DNM1: variants seen among roughly 807,000 people sequenced by gnomAD.
DNM1 encodes dynamin-1.
In DNM1, 29 loss-of-function variants were observed where a neutral mutation model predicts 104.6. That is an observed-to-expected ratio of 0.28 (90% CI 0.21 to 0.38). The LOEUF (loss-of-function observed/expected upper bound fraction) is 0.38. Ranked by LOEUF, DNM1 falls within the 10% of genes least tolerant of loss-of-function variation. The probability of loss-of-function intolerance (pLI) is 1.00; values close to 1 mark genes in which losing one functional copy is unlikely to be tolerated. For synonymous variants in DNM1, 445 were observed against 475.8 expected, an observed-to-expected ratio of 0.94 and a Z score of 0.84; for missense variants, 640 against 1,189.4, an observed-to-expected ratio of 0.54 and a Z score of 6.79.
At position 128,239,600 on chromosome 9, in the gene DNM1, G is replaced by GTGTGTGTA. The variant is rs1417585650; in HGVS notation, c.1493+92_1493+93insATGTGTGT. Reference sequence around the variant, plus strand: ...TGTGTGTGTGTGTGTGTGTGTGTGTGTGTGTGTGTGTGTGTGTAGAGCCCA... The same window carrying GTGTGTGTA: ...TGTGTGTGTGTGTGTGTGTGTGTGTGTGTGTGTATGTGTGTGTGTGTGTGTAGAGCCCA... On this transcript the variant is annotated intron_variant, in intron 12 of 21. Coordinates refer to ENST00000372923, the MANE Select transcript of DNM1 (RefSeq NM_004408.4). The GTGTGTGTA allele has an allele frequency of 2.0e-5, 25 of 1,277,872 alleles. No homozygotes were observed. The African/African-American group carries it at 3.6e-4, about 18-fold the overall frequency. 79.2% of individuals were successfully genotyped at this position (1,277,872 alleles called of 1,614,324 possible). A position where few individuals can be genotyped will look rare whatever the true frequency, so the allele number is the denominator to read the frequency against.
In DNM1 at chr9:128,218,937, C is replaced by A; in HGVS notation, c.386-112C>A. The A allele has an allele frequency of 7.4e-7, 1 of 1,350,930 alleles. No homozygotes were observed. The allele number at this position is 1,350,930 out of a possible 1,614,324, so 83.7% of individuals were successfully genotyped here. A position where few individuals can be genotyped will look rare whatever the true frequency, so the allele number is the denominator to read the frequency against. On this transcript the variant is annotated intron_variant, in intron 3 of 21. Coordinates refer to ENST00000372923, the MANE Select transcript of DNM1 (RefSeq NM_004408.4). The surrounding 1 kb of genome is among the most constrained non-coding windows in gnomAD (Gnocchi z 4.8). ...CTTTCGCCCTGAGATTTCCTAGTCC[C>A]ACCCACCTGCCACCCTGCTCCCAAG...
chr9:128,218,784 A>G lies in DNM1; in HGVS notation c.385+53A>G. 1 of 1,533,268 alleles carries G rather than the reference A, an allele frequency of 6.5e-7. No homozygotes were observed. The highest frequency in any genetic ancestry group is 1.2e-5 in the South Asian group (1 of 81,740). The allele number at this position is 1,533,268 out of a possible 1,614,324, so 95.0% of individuals were successfully genotyped here. A position where few individuals can be genotyped will look rare whatever the true frequency, so the allele number is the denominator to read the frequency against. On this transcript the variant is annotated intron_variant, in intron 3 of 21. Coordinates refer to ENST00000372923, the MANE Select transcript of DNM1 (RefSeq NM_004408.4). The surrounding 1 kb of genome is among the most constrained non-coding windows in gnomAD (Gnocchi z 4.8). ...CTAAGAATCATTTTCTTGGCCACGC[A>G]CCTCTGCGTGCCTCGCTCCTCCTGC... is the stretch of plus-strand genomic sequence containing the variant.
chr9:128,242,409 C>G, intron 15 of DNM1, 64 bp downstream of exon 15: 1 of 931,616 alleles, frequency 1.1e-6, no homozygotes. Flanking sequence ...CTCAGACCCT[C>G]CCATGGGCTT....
chr9:128,226,518 C>T (rs1013539903), intron 10 of DNM1, among the ~76,000 whole-genome samples: 2 of 152,214 alleles, frequency 1.3e-5, no homozygotes, highest in Non-Finnish European at 2.9e-5. Flanking sequence ...CACCCTAAGA[C>T]GTGGGTAGTG....
rs1836488927 is a variant in DNM1 at position 128,243,140 on chromosome 9, GC to G, written c.1671+797del. Reference sequence around the variant, plus strand: ...GAGGGGCAAGGAGTGTGGGGGCCCTGCCGAGGTGCCACAAAAAACCCCTCCC... The same window carrying G: ...GAGGGGCAAGGAGTGTGGGGGCCCTGCGAGGTGCCACAAAAAACCCCTCCC... On this transcript the variant is annotated intron_variant, in intron 15 of 21. Coordinates refer to ENST00000372923, the MANE Select transcript of DNM1 (RefSeq NM_004408.4). This position sits in a 1 kb window ranked among gnomAD's most constrained non-coding sequence, Gnocchi z 4.0. Among the ~76,000 whole-genome samples, 2 of 152,136 alleles carry G rather than the reference GC, an allele frequency of 1.3e-5. No individual in the cohort carries two copies. The highest frequency in any genetic ancestry group is 4.1e-4 in the South Asian group (2 of 4,822).
chr9:128,223,042 G>GT, intron 9 of DNM1, 182 bp downstream of exon 9: 1 of 628,370 alleles, frequency 1.6e-6, no homozygotes, highest in Non-Finnish European at 2.7e-6. Context: ...GTGGACCCGG[G>GT]CCACCCCGCC....
chr9:128,253,516 G>A lies in DNM1; in HGVS notation c.2535-1138G>A, dbSNP rs987284247. Reference sequence around the variant, plus strand: ...GTGGGGCTGGACTCTGAGGCGGCCAGAGGCCTAGGAACGTTATCCTGGGCA... The same window carrying A: ...GTGGGGCTGGACTCTGAGGCGGCCAAAGGCCTAGGAACGTTATCCTGGGCA... On this transcript the variant is annotated intron_variant, in intron 21 of 21. Coordinates refer to ENST00000372923, the MANE Select transcript of DNM1 (RefSeq NM_004408.4). The surrounding 1 kb of genome is among the most constrained non-coding windows in gnomAD (Gnocchi z 5.9). 1.4e-5 allele frequency: 4 copies of A among 294,020 alleles called. No individual in the cohort carries two copies. The highest frequency in any genetic ancestry group is 8.7e-5 in the African/African-American group (4 of 46,076). 18.2% of individuals were successfully genotyped at this position (294,020 alleles called of 1,614,324 possible). A position where few individuals can be genotyped will look rare whatever the true frequency, so the allele number is the denominator to read the frequency against.
chr9:128,203,641 G>T lies in DNM1; in HGVS notation c.161+10G>T. On this transcript the variant is annotated intron_variant, in intron 1 of 21. Coordinates refer to ENST00000372923, the MANE Select transcript of DNM1 (RefSeq NM_004408.4). The surrounding 1 kb of genome is among the most constrained non-coding windows in gnomAD (Gnocchi z 5.3). ...AGAATTTCGTAGGCAGGTAGGCGCGGCGCGCCCCCAGGCGCCGACCCCCGA... is the reference window on the plus strand; with the variant it reads ...AGAATTTCGTAGGCAGGTAGGCGCGTCGCGCCCCCAGGCGCCGACCCCCGA... The T allele has an allele frequency of 6.6e-7, 1 of 1,517,192 alleles. No homozygotes were observed. The highest frequency in any genetic ancestry group is 8.8e-7 in the Non-Finnish European group (1 of 1,139,750). The allele number at this position is 1,517,192 out of a possible 1,614,324, so 94.0% of individuals were successfully genotyped here. A position where few individuals can be genotyped will look rare whatever the true frequency, so the allele number is the denominator to read the frequency against.
rs141663827 is a variant in DNM1 at position 128,208,388 on chromosome 9, C to T, written c.161+4757C>T. Among the ~76,000 whole-genome samples the T allele has an allele frequency of 1.3e-3, 194 of 152,260 alleles. 1 individual carries two copies. Among genetic ancestry groups the T allele is most frequent in the African/African-American group, 4.4e-3 (181 of 41,556 alleles). ...GCTCTGCATTCTATCCCAGCATGGA[C>T]GTGATGCTGGTCTCTGGACTCTGAG... On this transcript the variant is annotated intron_variant, in intron 1 of 21. Transcript: ENST00000372923.
intron 1 of DNM1, among the ~76,000 whole-genome samples, chr9:128,211,571 C>T (rs555399798): frequency 6.8e-6 from 1 of 146,298 alleles, no homozygotes; most frequent in Non-Finnish European, 1.5e-5. Flanking sequence ...GTCTCAAACT[C>T]CTGGCCTCAA....
chr9:128,218,834 G>C lies in DNM1; in HGVS notation c.385+103G>C. 1 of 1,422,782 alleles carries C rather than the reference G, an allele frequency of 7.0e-7. No homozygotes were observed. Among genetic ancestry groups the C allele is most frequent in the Non-Finnish European group, 9.4e-7 (1 of 1,067,956 alleles). 88.1% of individuals were successfully genotyped at this position (1,422,782 alleles called of 1,614,324 possible). A position where few individuals can be genotyped will look rare whatever the true frequency, so the allele number is the denominator to read the frequency against. On this transcript the variant is annotated intron_variant, in intron 3 of 21. Transcript: ENST00000372923. This position sits in a 1 kb window ranked among gnomAD's most constrained non-coding sequence, Gnocchi z 4.8. Reference sequence around the variant, plus strand: ...CAGACTCCGCCCCTAGAATGACCCTGCCTCTGCATCATCCTATTCCAAGCT... The same window carrying C: ...CAGACTCCGCCCCTAGAATGACCCTCCCTCTGCATCATCCTATTCCAAGCT...
chr9:128,218,083 C>T lies in DNM1; in HGVS notation c.162-148C>T. The T allele has an allele frequency of 1.3e-6, 1 of 766,134 alleles. No homozygotes were observed. The highest frequency in any genetic ancestry group is 1.4e-5 in the South Asian group (1 of 69,254). The allele number at this position is 766,134 out of a possible 1,614,324, so 47.5% of individuals were successfully genotyped here. ...CCACCTTTCTGGGCTGCCATATGCT[C>T]TTAGTTACCTGAAGCCCCTGGGCTA... On this transcript the variant is annotated intron_variant, in intron 1 of 21. Coordinates refer to ENST00000372923, the MANE Select transcript of DNM1 (RefSeq NM_004408.4). The surrounding 1 kb of genome is among the most constrained non-coding windows in gnomAD (Gnocchi z 4.8).
rs1829736056 is a variant in DNM1 at position 128,254,564 on chromosome 9, G to GCCGGCC, written c.2535-83_2535-78dup. 2 of 1,587,288 alleles carry GCCGGCC rather than the reference G, an allele frequency of 1.3e-6. No individual in the cohort carries two copies. Among genetic ancestry groups the GCCGGCC allele is most frequent in the African/African-American group, 1.3e-5 (1 of 74,594 alleles). Reference sequence around the variant, plus strand: ...GCCCTCCCACCACTGCTGCGGCGCGGCCGGCCCCGGCCGTGTGCTGCGCTT... The same window carrying GCCGGCC: ...GCCCTCCCACCACTGCTGCGGCGCGGCCGGCCCCGGCCCCGGCCGTGTGCTGCGCTT... On this transcript the variant is annotated intron_variant, in intron 21 of 21. Coordinates refer to ENST00000372923, the MANE Select transcript of DNM1 (RefSeq NM_004408.4). This position sits in a 1 kb window ranked among gnomAD's most constrained non-coding sequence, Gnocchi z 6.1.
rs1202438385 is a variant in DNM1 at position 128,218,719 on chromosome 9, T to C, written c.373T>C (p.Tyr125His). The stretch of plus-strand genomic sequence containing the variant: ...GCCGGTGCCTATCAACCTCCGCGTC[T>C]ACTCGCCGCACGGTGAGGACCCTGG... ...ISPVPINLRV[Y>H]SPHVLNLTLV... The change falls in exon 3 of 22, where the codon TAC becomes CAC. Residue 125 changes from tyrosine to histidine, a missense_variant. Coordinates refer to ENST00000372923, the MANE Select transcript of DNM1 (RefSeq NM_004408.4). This position sits in a 1 kb window ranked among gnomAD's most constrained non-coding sequence, Gnocchi z 4.8. 6.2e-7 allele frequency: 1 copy of C among 1,603,004 alleles called. No homozygotes were observed.
chr9:128,209,836 T>G (rs1041670274), intron 1 of DNM1, among the ~76,000 whole-genome samples: 1 of 152,118 alleles, frequency 6.6e-6, no homozygotes, highest in Admixed American at 6.5e-5. Flanking sequence ...CATCTGAGCG[T>G]AGCCTACGAG....
chr9:128,221,101 C>T (rs1362924883), intron 6 of DNM1: 1 of 147,334 alleles, frequency 6.8e-6, no homozygotes, highest in Non-Finnish European at 1.5e-5. Flanking sequence ...TTCTTTCTTT[C>T]TCTCTTAGAT....
chr9:128,241,627 C>T (rs544126632), intron 14 of DNM1, among the ~76,000 whole-genome samples: 1 of 152,268 alleles, frequency 6.6e-6, no homozygotes, highest in African/African-American at 2.4e-5. Context: ...CAGATAATCA[C>T]ACACACGCAC....
chr9:128,226,815 G>C (rs549391726), intron 10 of DNM1, among the ~76,000 whole-genome samples: 13 of 152,198 alleles, frequency 8.5e-5, no homozygotes, highest in Admixed American at 8.5e-4. Flanking sequence ...TTTTTAGCCA[G>C]GTTGTCTAAA....
chr9:128,210,276 A>G (rs572988357), intron 1 of DNM1, among the ~76,000 whole-genome samples: 1 of 151,894 alleles, frequency 6.6e-6, no homozygotes, highest in Non-Finnish European at 1.5e-5. Context: ...GGTGGCCTCA[A>G]ACTCCTGGAC....
Sources: allele counts gnomAD v4.1 joint callset (sites outside exome capture counted in the v4.1 genomes callset), GRCh38; gene constraint gnomAD v4.1.1; non-coding constraint Gnocchi (gnomAD v3.1); transcripts MANE v1.5; gene names NCBI Gene and HGNC (gene_info 2026-07-23, HGNC 2026-07-21).